The following CELF2 variants were observed in gnomAD, a reference collection of about 807,000 sequenced individuals.
CELF2 encodes the protein CUGBP Elav-like family member 2.
Under a neutral mutation model 62.6 loss-of-function variants are expected in CELF2, and 8 were observed. The ratio of observed to expected loss-of-function variants is 0.13; its 90% confidence interval spans 0.07 to 0.23. The LOEUF (loss-of-function observed/expected upper bound fraction) is 0.23, where lower values mean the gene tolerates loss of function less well. Among genes scored for constraint, CELF2 ranks in the 10% least tolerant of loss-of-function variants. The probability of loss-of-function intolerance (pLI) is 1.00; values close to 1 mark genes in which losing one functional copy is unlikely to be tolerated. For missense variants in CELF2, 333 were observed against 671.0 expected (o/e 0.50, Z 5.56); for synonymous variants, 258 against 250.0 (o/e 1.03, Z -0.30).
Position 11,325,895 on chromosome 10 carries a change from A to G in CELF2, c.1354A>G (p.Ile452Val). The change falls in exon 12 of 13, where the codon ATT becomes GTT. Residue 452 changes from isoleucine to valine, a missense_variant. Ile to Val is a conservative substitution (Grantham distance 29). Around this residue, in one of 3 missense-constraint regions of CELF2, gnomAD observed 35 missense variants for 128.1 expected, o/e 0.27. Coordinates refer to ENST00000633077, the MANE Select transcript of CELF2 (RefSeq NM_001326342.2). ...HLPQEFGDQD[I>V]LQMFMPFGNV... is the part of the protein sequence containing the mutation. Reference sequence around the variant, plus strand: ...TCCACAGGAATTTGGAGACCAGGACATTCTGCAGATGTTCATGCCTTTTGG... The same window carrying G: ...TCCACAGGAATTTGGAGACCAGGACGTTCTGCAGATGTTCATGCCTTTTGG... 6.2e-7 allele frequency: 1 copy of G among 1,614,216 alleles called. No homozygotes were observed. Among genetic ancestry groups the G allele is most frequent in the Non-Finnish European group, 8.5e-7 (1 of 1,180,004 alleles).
intron 3 of CELF2, among the ~76,000 whole-genome samples, chr10:11,219,249 TATG>T (rs1403046569): frequency 6.6e-6 from 1 of 152,212 alleles, no homozygotes; most frequent in African/African-American, 2.4e-5. Flanking sequence ...CCAGAGTGAA[TATG>T]ATGAATGGGG....
At chr10:11,238,839 G>A (rs181081548) in intron 3 of CELF2, among the ~76,000 whole-genome samples, 41 of 152,236 alleles carry the variant, frequency 2.7e-4, no homozygotes, top group Admixed American at 1.0e-3. Context: ...TTCATGGTCC[G>A]TGCCTCCTAT....
At chr10:10,472,637 T>C in the CELF2 span, among the ~76,000 whole-genome samples, 268 of 152,030 alleles carry the variant, frequency 1.8e-3, no homozygotes, top group Middle Eastern at 0.01. Context: ...AATTTTGAGT[T>C]GTAAACTAGA....
the CELF2 span, among the ~76,000 whole-genome samples, chr10:10,560,034 A>G: frequency 6.6e-6 from 1 of 152,194 alleles, no homozygotes; most frequent in Non-Finnish European, 1.5e-5. Context: ...AGTCTCAGTA[A>G]AAGAGGAAAT....
At chr10:10,462,615 C>CTATTTTTTTTTTTTTT in the CELF2 span, among the ~76,000 whole-genome samples, 1 of 69,414 alleles carries the variant, frequency 1.4e-5, no homozygotes, top group Non-Finnish European at 2.5e-5. Flanking sequence ...TTTTTTTCAT[C>CTATTTTTTTTTTTTTT]TTTTTTTTTT....
the CELF2 span, among the ~76,000 whole-genome samples, chr10:10,512,401 C>CTTTTTTTTTTTTTTTTTTTTTTT: frequency 1.8e-5 from 2 of 109,148 alleles, no homozygotes; most frequent in Non-Finnish European, 1.8e-5. Context: ...TTTTGGAACG[C>CTTTTTTTTTTTTTTTTTTTTTTT]TTTTTTTTTT....
At chr10:10,791,756 T>A in the CELF2 span, among the ~76,000 whole-genome samples, 12 of 152,196 alleles carry the variant, frequency 7.9e-5, no homozygotes, top group Non-Finnish European at 1.5e-5. Flanking sequence ...GTCTGTGGAT[T>A]GTTTATTACA....
At chr10:10,469,849 C>T in the CELF2 span, among the ~76,000 whole-genome samples, 2 of 151,676 alleles carry the variant, frequency 1.3e-5, no homozygotes, top group Non-Finnish European at 1.5e-5. Context: ...TTAAATTTTT[C>T]ATTTTTCCTT....
At chr10:10,966,162 G>T (rs983570621) in intron 2 of CELF2, among the ~76,000 whole-genome samples, 4 of 152,190 alleles carry the variant, frequency 2.6e-5, no homozygotes, top group African/African-American at 9.7e-5. Flanking sequence ...AGTTTCCTTT[G>T]CATGTCCAGG....
chr10:11,256,354 C>A (rs1435215730), intron 4 of CELF2, among the ~76,000 whole-genome samples: 1 of 152,216 alleles, frequency 6.6e-6, no homozygotes, highest in Non-Finnish European at 1.5e-5. Context: ...CCAGAAGGAA[C>A]TGGCCCCAGT....
At chr10:10,687,920 G>T in the CELF2 span, among the ~76,000 whole-genome samples, 1 of 152,222 alleles carries the variant, frequency 6.6e-6, no homozygotes, top group South Asian at 2.1e-4. Flanking sequence ...CTTCTCAAAA[G>T]AGCAGAGAGC....
the CELF2 span, among the ~76,000 whole-genome samples, chr10:10,519,309 A>C: frequency 2.0e-5 from 3 of 152,210 alleles, no homozygotes; most frequent in Non-Finnish European, 4.4e-5. Flanking sequence ...GCTTTGAATA[A>C]ATCTTCTATG....
chr10:11,069,952 G>A (rs916684118), intron 1 of CELF2, among the ~76,000 whole-genome samples: 3 of 152,168 alleles, frequency 2.0e-5, no homozygotes, highest in South Asian at 2.1e-4. Flanking sequence ...CAGGACAGTC[G>A]AAGAGCAGTT....
the CELF2 span, among the ~76,000 whole-genome samples, chr10:10,489,308 A>T: frequency 1.3e-5 from 2 of 152,146 alleles, no homozygotes; most frequent in Non-Finnish European, 2.9e-5. Flanking sequence ...CCAGAAGGAC[A>T]AACAGCCCTG....
Position 11,177,016 on chromosome 10 carries a change from A to AC in CELF2, c.271+11338dup, listed in dbSNP as rs1166728405. ...TTCAGTGAGACGCTGGTTCCTTCTC[A>AC]CCCCTGCACCCTTCCTGGAATCACC... On this transcript the variant is annotated intron_variant, in intron 2 of 12. Coordinates refer to ENST00000633077, the MANE Select transcript of CELF2 (RefSeq NM_001326342.2). This position sits in a 1 kb window ranked among gnomAD's most constrained non-coding sequence, Gnocchi z 4.8. 6.6e-6 allele frequency among the ~76,000 whole-genome samples: 1 copy of AC among 152,110 alleles called. No homozygotes were observed. The highest frequency in any genetic ancestry group is 2.4e-5 in the African/African-American group (1 of 41,410).
chr10:11,199,359 C>T (rs1311455574), intron 2 of CELF2, among the ~76,000 whole-genome samples: 1 of 152,132 alleles, frequency 6.6e-6, no homozygotes, highest in Non-Finnish European at 1.5e-5. Context: ...AAATCTTGAG[C>T]CCTCTAGGCA....
At chr10:10,695,054 G>A in the CELF2 span, among the ~76,000 whole-genome samples, 1 of 149,362 alleles carries the variant, frequency 6.7e-6, no homozygotes, top group African/African-American at 2.5e-5. Context: ...TCATTATGAT[G>A]TTAGCTGGTG....
intron 1 of CELF2, among the ~76,000 whole-genome samples, chr10:11,069,037 T>C (rs1031484576): frequency 2.6e-5 from 4 of 152,212 alleles, no homozygotes; most frequent in Non-Finnish European, 5.9e-5. Flanking sequence ...TTATCAATTA[T>C]TCCCAACCAT....
At chr10:11,144,589 A>T (rs1173097122) in intron 1 of CELF2, among the ~76,000 whole-genome samples, 2 of 117,638 alleles carry the variant, frequency 1.7e-5, no homozygotes, top group African/African-American at 6.8e-5. Context: ...TGTATTATTT[A>T]AAAAAAAAAA....
Sources: gnomAD v4.1 joint callset for allele counts (sites outside exome capture counted in the v4.1 genomes callset) on GRCh38, gnomAD v4.1.1 for gene constraint, gnomAD v4.1.1 regional missense constraint, Gnocchi (gnomAD v3.1) non-coding constraint, MANE v1.5 for transcripts, NCBI Gene and HGNC (gene_info 2026-07-23, HGNC 2026-07-21) for gene names.